PSD3: variants seen among roughly 807,000 people sequenced by gnomAD.
PSD3 encodes pleckstrin and Sec7 domain containing 3.
In PSD3, 49 loss-of-function variants were observed where a neutral mutation model predicts 105.5. The ratio of observed to expected loss-of-function variants is 0.46; its 90% CI spans 0.37 to 0.59. The LOEUF is 0.59. Ranked by LOEUF, PSD3 falls within the 20% of genes least tolerant of loss-of-function variation. The pLI, the probability that PSD3 is intolerant of heterozygous loss-of-function variation, is 0.00. For missense variants in PSD3, 1,561 were observed against 1,263.8 expected (o/e 1.24, Z -3.57); for synonymous variants, 557 against 457.8 (o/e 1.22, Z -2.77).
chr8:18,728,989 G>C (rs1335547354), intron 9 of PSD3, among the ~76,000 whole-genome samples: 1 of 152,096 alleles, frequency 6.6e-6, no homozygotes, highest in Admixed American at 6.5e-5. Context: ...ATCTCAAAAT[G>C]TCTGTTCAAA....
intron 1 of PSD3, among the ~76,000 whole-genome samples, chr8:18,964,387 G>A (rs1824115625): frequency 6.6e-6 from 1 of 152,126 alleles, no homozygotes; most frequent in Non-Finnish European, 1.5e-5. Flanking sequence ...GCCTCCCAAA[G>A]TGCTGGGATT....
chr8:18,595,968 A>T (rs1215572481), intron 12 of PSD3, among the ~76,000 whole-genome samples: 2 of 152,132 alleles, frequency 1.3e-5, no homozygotes, highest in African/African-American at 4.8e-5. Context: ...TCTCAAGTGC[A>T]CATGGAACAT....
intron 1 of PSD3, among the ~76,000 whole-genome samples, chr8:19,049,216 A>G (rs113732987): frequency 6.1e-4 from 93 of 152,318 alleles, no homozygotes; most frequent in African/African-American, 2.0e-3. Context: ...GGAGGACACA[A>G]GTCATCCCAT....
chr8:18,956,079 C>A (rs67830348), intron 1 of PSD3, among the ~76,000 whole-genome samples: 59,643 of 151,864 alleles, frequency 0.39, 11,880 homozygotes, highest in Non-Finnish European at 0.41. Context: ...ATATTTTAGA[C>A]CCCTAATCAA....
intron 11 of PSD3, among the ~76,000 whole-genome samples, chr8:18,617,415 C>G (rs1194297877): frequency 6.6e-6 from 1 of 151,960 alleles, no homozygotes; most frequent in Non-Finnish European, 1.5e-5. Context: ...CCTATAATCC[C>G]AGCTACTCGG....
intron 11 of PSD3, among the ~76,000 whole-genome samples, chr8:18,624,270 G>A (rs572277303): frequency 6.6e-6 from 1 of 151,864 alleles, no homozygotes; most frequent in South Asian, 2.1e-4. Flanking sequence ...CCAACACTTG[G>A]TATTCTTTTA....
chr8:18,844,933 A>G (rs2129451643), intron 4 of PSD3, among the ~76,000 whole-genome samples: 1 of 152,352 alleles, frequency 6.6e-6, no homozygotes, highest in East Asian at 1.9e-4. Context: ...TGATCAGTTC[A>G]TTCCAAATTG....
At chr8:18,724,566 C>T (rs1281931643) in intron 9 of PSD3, among the ~76,000 whole-genome samples, 1 of 151,978 alleles carries the variant, frequency 6.6e-6, no homozygotes, top group African/African-American at 2.4e-5. Context: ...GAGCTATGAT[C>T]ACTCCATTGT....
At chr8:19,001,173 C>A (rs1253266410) in intron 1 of PSD3, among the ~76,000 whole-genome samples, 1 of 151,602 alleles carries the variant, frequency 6.6e-6, no homozygotes, top group African/African-American at 2.4e-5. Context: ...CAACTCACTG[C>A]AGCCTTGACC....
chr8:18,726,243 C>CACTG (rs1171662352), intron 9 of PSD3, among the ~76,000 whole-genome samples: 1 of 152,224 alleles, frequency 6.6e-6, no homozygotes, highest in African/African-American at 2.4e-5. Flanking sequence ...GACCAGCCTA[C>CACTG]ACTGACATCG....
At chr8:18,730,535 T>C (rs1218012989) in intron 9 of PSD3, among the ~76,000 whole-genome samples, 2 of 152,182 alleles carry the variant, frequency 1.3e-5, no homozygotes, top group Non-Finnish European at 2.9e-5. Flanking sequence ...TGAGGAAAGA[T>C]AAAGAAAAGA....
intron 11 of PSD3, among the ~76,000 whole-genome samples, 159 bp from the exon 12 acceptor site, chr8:18,600,593 CG>C (rs1179855923): frequency 6.6e-6 from 1 of 152,126 alleles, no homozygotes; most frequent in East Asian, 1.9e-4. Flanking sequence ...GTGTACCAGG[CG>C]GCATTCTAAA....
intron 9 of PSD3, among the ~76,000 whole-genome samples, chr8:18,746,639 A>G (rs1041190393): frequency 3.3e-5 from 5 of 152,238 alleles, no homozygotes; most frequent in African/African-American, 1.2e-4. Flanking sequence ...ACTGGAGTAC[A>G]GTGTTTGTGT....
chr8:18,964,626 G>C (rs996640803), intron 1 of PSD3, among the ~76,000 whole-genome samples: 8 of 151,962 alleles, frequency 5.3e-5, no homozygotes, highest in Admixed American at 3.3e-4. Context: ...ACTTCTTTAT[G>C]GAGAGGCCTT....
intron 9 of PSD3, among the ~76,000 whole-genome samples, chr8:18,719,763 C>T (rs1183374817): frequency 2.0e-5 from 3 of 152,124 alleles, no homozygotes; most frequent in African/African-American, 7.2e-5. Flanking sequence ...TTCAAGTTAC[C>T]TAAATCTATT....
chr8:19,035,854 A>AGCTG (rs1827924762), intron 1 of PSD3, among the ~76,000 whole-genome samples: 1 of 152,052 alleles, frequency 6.6e-6, no homozygotes, highest in African/African-American at 2.4e-5. Context: ...TCCTGAGTTC[A>AGCTG]AGCCATTCTT....
intron 4 of PSD3, among the ~76,000 whole-genome samples, chr8:18,842,976 T>A (rs938146746): frequency 1.3e-5 from 2 of 152,186 alleles, no homozygotes; most frequent in African/African-American, 2.4e-5. Context: ...CATTCTTTTA[T>A]AAAGATAAAT....
intron 2 of PSD3, among the ~76,000 whole-genome samples, chr8:18,934,348 G>T (rs914669432): frequency 6.6e-6 from 1 of 152,210 alleles, no homozygotes; most frequent in African/African-American, 2.4e-5. Flanking sequence ...GATGGTGATG[G>T]TTATCACAAT....
rs1401072455 is a variant in PSD3 at position 18,658,805 on chromosome 8, G to A, written c.2173-3120C>T. On this transcript the variant is annotated intron_variant, in intron 9 of 15. Transcript: ENST00000327040. ...GGAGGCCTAATAATTAATGTAGTCA[G>A]ATCATAAAAAGTATGCTCTAGTAGC... Among the ~76,000 whole-genome samples the A allele has an allele frequency of 2.1e-5, 3 of 140,762 alleles. No individual in the cohort carries two copies. In the East Asian group the frequency reaches 6.1e-4, roughly 29 times the overall value. 92.3% of individuals were successfully genotyped at this position (140,762 alleles called of 152,430 possible).
Sources: gnomAD v4.1 joint callset for allele counts (sites outside exome capture counted in the v4.1 genomes callset) on GRCh38, gnomAD v4.1.1 for gene constraint, MANE v1.5 for transcripts, NCBI Gene and HGNC (gene_info 2026-07-23, HGNC 2026-07-21) for gene names.